PSD3: variants seen among roughly 807,000 people sequenced by gnomAD.
PSD3 encodes pleckstrin and Sec7 domain containing 3.
PSD3 carries 49 observed loss-of-function variants against 105.5 expected under a neutral mutation model. The observed-to-expected ratio is 0.46, with a 90% CI of 0.37 to 0.59. PSD3 has a LOEUF of 0.59. Ranked by LOEUF, PSD3 falls within the 20% of genes least tolerant of loss-of-function variation. The pLI, the probability that PSD3 is intolerant of heterozygous loss-of-function variation, is 0.00. For synonymous variants in PSD3, 557 were observed against 457.8 expected, an observed-to-expected ratio of 1.22 and a Z score of -2.77; for missense variants, 1,561 against 1,263.8, an observed-to-expected ratio of 1.24 and a Z score of -3.57.
intron 14 of PSD3, among the ~76,000 whole-genome samples, chr8:18,564,194 T>G (rs1222796477): frequency 3.9e-5 from 6 of 152,208 alleles, no homozygotes; most frequent in Non-Finnish European, 8.8e-5. Flanking sequence ...AAATGTAGTT[T>G]ATTTTCTTTA....
intron 9 of PSD3, among the ~76,000 whole-genome samples, chr8:18,698,295 T>A (rs566293075): frequency 7.9e-5 from 12 of 152,268 alleles, no homozygotes; most frequent in African/African-American, 2.2e-4. Flanking sequence ...TTTAAAAAAA[T>A]TTTTGTAGAG....
intron 9 of PSD3, among the ~76,000 whole-genome samples, chr8:18,669,629 C>A (rs1459684885): frequency 1.3e-5 from 2 of 152,220 alleles, no homozygotes; most frequent in Non-Finnish European, 2.9e-5. Flanking sequence ...TGGCACACGA[C>A]AGTGAGATTG....
intron 4 of PSD3, among the ~76,000 whole-genome samples, chr8:18,821,684 AACACACACACACAC>A (rs10527060): frequency 7.6e-6 from 1 of 131,324 alleles, no homozygotes; most frequent in African/African-American, 2.8e-5. Context: ...TGACCCCCAC[AACACACACACACAC>A]ACACACACAC....
chr8:19,035,059 C>A (rs1827896798), intron 1 of PSD3, among the ~76,000 whole-genome samples: 2 of 152,074 alleles, frequency 1.3e-5, no homozygotes, highest in Non-Finnish European at 2.9e-5. Flanking sequence ...ATGAAATGTT[C>A]ATTTTTGACT....
intron 4 of PSD3, among the ~76,000 whole-genome samples, chr8:18,810,581 A>C (rs1285438552): frequency 6.6e-6 from 1 of 152,196 alleles, no homozygotes; most frequent in Non-Finnish European, 1.5e-5. Flanking sequence ...TGGTAATAAA[A>C]CTAGGACCAA....
intron 11 of PSD3, among the ~76,000 whole-genome samples, chr8:18,621,265 C>G (rs541886106): frequency 6.6e-6 from 1 of 151,974 alleles, no homozygotes; most frequent in Non-Finnish European, 1.5e-5. Context: ...AAAATTAGCC[C>G]GGCATGGTGG....
At chr8:18,566,323 G>A (rs1384145054) in intron 14 of PSD3, among the ~76,000 whole-genome samples, 4 of 151,990 alleles carry the variant, frequency 2.6e-5, no homozygotes, top group African/African-American at 9.7e-5. Flanking sequence ...CCAGGAGTTC[G>A]AGACCATCAT....
At chr8:18,941,144 G>C (rs943097303) in intron 1 of PSD3, among the ~76,000 whole-genome samples, 2 of 152,154 alleles carry the variant, frequency 1.3e-5, no homozygotes. Context: ...ATTACTAACT[G>C]AATAAAATAT....
intron 1 of PSD3, chr8:19,000,681 A>C (rs966777761): frequency 6.6e-6 from 1 of 151,942 alleles, no homozygotes; most frequent in Admixed American, 6.5e-5. Flanking sequence ...CCCTGTCTCC[A>C]AAACAGGAGA....
intron 14 of PSD3, among the ~76,000 whole-genome samples, chr8:18,563,131 A>G (rs1801504057): frequency 6.6e-6 from 1 of 152,116 alleles, no homozygotes; most frequent in African/African-American, 2.4e-5. Context: ...TCCTTCCCTT[A>G]AATCCTCCAG....
chr8:18,786,044 T>A, intron 8 of PSD3, among the ~76,000 whole-genome samples: 1 of 152,162 alleles, frequency 6.6e-6, no homozygotes, highest in South Asian at 2.1e-4. Context: ...TAAAATGAGA[T>A]ACGCCTATAC....
At chr8:18,702,548 C>T (rs1801645127) in intron 9 of PSD3, among the ~76,000 whole-genome samples, 1 of 152,030 alleles carries the variant, frequency 6.6e-6, no homozygotes, top group East Asian at 1.9e-4. Context: ...TCGCCTTAAA[C>T]ATTTATCTTT....
At chr8:19,062,508 G>A (rs1236172961) in intron 1 of PSD3, among the ~76,000 whole-genome samples, 1 of 151,240 alleles carries the variant, frequency 6.6e-6, no homozygotes. Context: ...CTCCACGACA[G>A]ACCATCTACA....
At chr8:18,552,622 A>G (rs1248204028) in intron 15 of PSD3, among the ~76,000 whole-genome samples, 2 of 152,232 alleles carry the variant, frequency 1.3e-5, no homozygotes, top group Non-Finnish European at 2.9e-5. Flanking sequence ...AAGCACAGGG[A>G]TCAATTAAAT....
chr8:18,967,662 A>C (rs1824363050), intron 1 of PSD3, among the ~76,000 whole-genome samples: 1 of 152,218 alleles, frequency 6.6e-6, no homozygotes, highest in South Asian at 2.1e-4. Flanking sequence ...TTTCAACCAG[A>C]AAATTAGAAA....
chr8:18,952,658 G>A (rs1174465589), intron 1 of PSD3, among the ~76,000 whole-genome samples: 2 of 152,138 alleles, frequency 1.3e-5, no homozygotes, highest in African/African-American at 4.8e-5. Flanking sequence ...CCATTATTTA[G>A]AGCACAATAA....
At chr8:18,827,751 A>G (rs2129450041) in intron 4 of PSD3, among the ~76,000 whole-genome samples, 1 of 152,036 alleles carries the variant, frequency 6.6e-6, no homozygotes, top group Non-Finnish European at 1.5e-5. Context: ...CAGGATTGTG[A>G]GTAAAAAAGT....
intron 1 of PSD3, among the ~76,000 whole-genome samples, chr8:19,082,700 A>G (rs994667311): frequency 1.3e-5 from 2 of 152,090 alleles, no homozygotes; most frequent in Non-Finnish European, 2.9e-5. Flanking sequence ...GGGAGGGGAG[A>G]GTGGGAAAAG....
intron 9 of PSD3, among the ~76,000 whole-genome samples, chr8:18,711,845 T>A (rs1010804266): frequency 1.3e-5 from 2 of 152,172 alleles, no homozygotes; most frequent in Non-Finnish European, 2.9e-5. Context: ...TATCACCACA[T>A]GGTACTTACT....
Sources: gnomAD v4.1 joint callset for allele counts (sites outside exome capture counted in the v4.1 genomes callset) on GRCh38, gnomAD v4.1.1 for gene constraint, MANE v1.5 for transcripts, NCBI Gene and HGNC (gene_info 2026-07-23, HGNC 2026-07-21) for gene names.